The following TBC1D25 variants were observed in gnomAD, a reference collection of about 807,000 sequenced individuals.
The protein encoded by TBC1D25 is TBC1 domain family member 25.
Under a neutral mutation model 38.8 loss-of-function variants are expected in TBC1D25, and 13 were observed. The ratio of observed to expected loss-of-function variants is 0.34; its 90% CI spans 0.22 to 0.53. The LOEUF (loss-of-function observed/expected upper bound fraction) is 0.53, where lower values mean the gene tolerates loss of function less well. TBC1D25 is among the 20% of genes least tolerant of loss of function. The probability of loss-of-function intolerance (pLI) is 0.94; values close to 1 mark genes in which losing one functional copy is unlikely to be tolerated. For synonymous variants in TBC1D25, 225 were observed against 255.6 expected (o/e 0.88, Z 1.14); for missense variants, 372 against 600.0 (o/e 0.62, Z 3.97).
Position 48,561,209 on chromosome X carries a change from C to T in TBC1D25, c.*234C>T, listed in dbSNP as rs782329152. The T allele has an allele frequency of 3.0e-5, 11 of 360,961 alleles. No homozygotes were observed. In the East Asian group the frequency reaches 4.4e-4, roughly 14 times the overall value. 29.7% of individuals were successfully genotyped at this position (360,961 alleles called of 1,213,427 possible). On this transcript the variant is annotated 3_prime_UTR_variant, in exon 6 of 6. Coordinates refer to ENST00000376771, the MANE Select transcript of TBC1D25 (RefSeq NM_002536.4). ...GTTTTTAACAACTATACTTTGCACA[C>T]ATGAAGGTCACTGTGGTTTGTGTGT...
At chrX:48,551,327 TTTTGTTTG>T (rs199561584) in intron 3 of TBC1D25, among the ~76,000 whole-genome samples, 1 of 109,928 alleles carries the variant, frequency 9.1e-6, no homozygotes, top group African/African-American at 3.4e-5. Flanking sequence ...TTTGCCTGTT[TTTTGTTTG>T]TTTGTTTGTT....
intron 3 of TBC1D25, among the ~76,000 whole-genome samples, chrX:48,546,396 C>T (rs1020745438): frequency 1.8e-5 from 2 of 108,462 alleles, no homozygotes; most frequent in Non-Finnish European, 3.8e-5. Flanking sequence ...GCCTGTAGTC[C>T]CAGCTACTCG....
rs782001642 is a variant in TBC1D25 at position 48,546,382 on chromosome X, G to A, written c.388+1359G>A. ...CAAAAAAATAGCCGGGCGTGGTGGC[G>A]GGTGCCTGTAGTCCCAGCTACTCGG... On this transcript the variant is annotated intron_variant, in intron 3 of 5. Coordinates refer to ENST00000376771, the MANE Select transcript of TBC1D25 (RefSeq NM_002536.4). Among the ~76,000 whole-genome samples the A allele has an allele frequency of 2.0e-4, 20 of 98,921 alleles. No individual in the cohort carries two copies. The South Asian group carries it at 6.1e-3, about 30-fold the overall frequency. The allele number at this position is 98,921 out of a possible 115,157, so 85.9% of individuals were successfully genotyped here.
chrX:48,558,505 G>GAGTACTCA (rs2147193392), intron 3 of TBC1D25, among the ~76,000 whole-genome samples: 2 of 111,864 alleles, frequency 1.8e-5, no homozygotes, highest in East Asian at 5.6e-4. Flanking sequence ...CAACCGATAG[G>GAGTACTCA]ACTGAAGTGA....
rs1290998952 is a variant in TBC1D25 at position 48,562,043 on chromosome X, T to C, written c.*1068T>C. 8.9e-6 allele frequency: 1 copy of C among 112,272 alleles called. No homozygotes were observed. The highest frequency in any genetic ancestry group is 1.9e-5 in the Non-Finnish European group (1 of 53,259). The allele number at this position is 112,272 out of a possible 1,213,427, so 9.3% of individuals were successfully genotyped here. On this transcript the variant is annotated 3_prime_UTR_variant, in exon 6 of 6. Transcript: ENST00000376771. Reference sequence around the variant, plus strand: ...AGGATAATGATCAAAAAAAGGTCCTTTTTCCCACTGACATGCTCAGAGGGT... The same window carrying C: ...AGGATAATGATCAAAAAAAGGTCCTCTTTCCCACTGACATGCTCAGAGGGT...
chrX:48,543,923 A>G (rs138220841), intron 2 of TBC1D25, among the ~76,000 whole-genome samples: 3,348 of 109,637 alleles, frequency 0.031, 60 homozygotes, highest in Middle Eastern at 0.14. Flanking sequence ...CATCAGCAGC[A>G]CATAAATGCC....
chrX:48,555,974 C>T (rs2061971611), intron 3 of TBC1D25, among the ~76,000 whole-genome samples: 4 of 106,590 alleles, frequency 3.8e-5, no homozygotes, highest in South Asian at 4.3e-4. Context: ...CAGAATAGAA[C>T]GAATGGTCGG....
chrX:48,561,252 G>A lies in TBC1D25; in HGVS notation c.*277G>A. 3.4e-6 allele frequency: 1 copy of A among 297,977 alleles called. No individual in the cohort carries two copies. The highest frequency in any genetic ancestry group is 5.8e-6 in the Non-Finnish European group (1 of 171,627). The allele number at this position is 297,977 out of a possible 1,213,427, so 24.6% of individuals were successfully genotyped here. A position where few individuals can be genotyped will look rare whatever the true frequency, so the allele number is the denominator to read the frequency against. The stretch of plus-strand genomic sequence containing the variant: ...TTGTGTGTTTCTCTGCCTCCTCCCT[G>A]GGTTTTGCTGTAGATGGAGTCCTCA... On this transcript the variant is annotated 3_prime_UTR_variant, in exon 6 of 6. Coordinates refer to ENST00000376771, the MANE Select transcript of TBC1D25 (RefSeq NM_002536.4).
chrX:48,560,435 C>T lies in TBC1D25; in HGVS notation c.1527C>T (p.Gly509=). 1.7e-6 allele frequency: 2 copies of T among 1,210,306 alleles called. No individual in the cohort carries two copies. Among genetic ancestry groups the T allele is most frequent in the Non-Finnish European group, 2.2e-6 (2 of 894,799 alleles). The change falls in exon 6 of 6, where the codon GGC becomes GGT. Residue 509 remains glycine (G), a synonymous_variant. Transcript: ENST00000376771. Reference sequence around the variant, plus strand: ...TCCTGAGACAGGCCAGCTTGGATGGCCTCCAGCAACTCAGGGATAACATGG... The same window carrying T: ...TCCTGAGACAGGCCAGCTTGGATGGTCTCCAGCAACTCAGGGATAACATGG... ...GRLLRQASLD[G]LQQLRDNMGS... is the part of the protein sequence containing the mutation.
At chrX:48,558,798 C>A in intron 3 of TBC1D25, 99 bp from the exon 4 acceptor site, 1 of 1,094,887 alleles carries the variant, frequency 9.1e-7, no homozygotes, top group Non-Finnish European at 1.2e-6. Context: ...GTTGTTTGTT[C>A]CCCTGCAGGT....
chrX:48,541,043 A>G (rs2061834751), intron 1 of TBC1D25, among the ~76,000 whole-genome samples: 1 of 111,684 alleles, frequency 9.0e-6, no homozygotes, highest in Admixed American at 9.5e-5. Flanking sequence ...GAAGCAGGGG[A>G]GTGTTGTAGG....
chrX:48,561,813 ATTC>A lies in TBC1D25; in HGVS notation c.*841_*843del, dbSNP rs1556986594. 8.9e-6 allele frequency: 1 copy of A among 112,689 alleles called. No homozygotes were observed. Among genetic ancestry groups the A allele is most frequent in the African/African-American group, 3.2e-5 (1 of 31,017 alleles). 9.3% of individuals were successfully genotyped at this position (112,689 alleles called of 1,213,427 possible). A position where few individuals can be genotyped will look rare whatever the true frequency, so the allele number is the denominator to read the frequency against. ...AATTACAAAAGGATCTAGGGCTCCT[ATTC>A]TTGTCACTTGCTTTGGAGCCAGTTT... On this transcript the variant is annotated 3_prime_UTR_variant, in exon 6 of 6. Transcript: ENST00000376771.
At chrX:48,551,529 T>C (rs895224272) in intron 3 of TBC1D25, among the ~76,000 whole-genome samples, 15 of 110,606 alleles carry the variant, frequency 1.4e-4, no homozygotes, top group African/African-American at 4.9e-4. Flanking sequence ...GGTTTCACCA[T>C]GTTGGCCAGG....
chrX:48,544,600 C>T (rs1434722475), intron 2 of TBC1D25, among the ~76,000 whole-genome samples: 14 of 111,382 alleles, frequency 1.3e-4, no homozygotes, highest in Non-Finnish European at 2.1e-4. Context: ...AGATTATAGG[C>T]GTGAGCCACT....
At chrX:48,553,556 C>T (rs1556983813) in intron 3 of TBC1D25, among the ~76,000 whole-genome samples, 3 of 107,245 alleles carry the variant, frequency 2.8e-5, no homozygotes. Context: ...CTTGTCTGAC[C>T]TTCTTTCCAT....
intron 3 of TBC1D25, among the ~76,000 whole-genome samples, chrX:48,546,695 T>C (rs2061889754): frequency 9.0e-6 from 1 of 111,597 alleles, no homozygotes; most frequent in Non-Finnish European, 1.9e-5. Context: ...AGTGGTATCA[T>C]ATCTATTGAA....
rs781841319 is a variant in TBC1D25 at position 48,558,992 on chromosome X, G to A, written c.484G>A (p.Ala162Thr). The change falls in exon 4 of 6, where the codon GCC (alanine) becomes ACC (threonine). Residue 162 changes from alanine to threonine, a missense_variant. By Grantham distance (58) the Ala-to-Thr change is moderately conservative. Transcript: ENST00000376771. ...AEKRSSLTTA[A>T]LPFTQSILTQ... ...GAAACGGTCATCACTGACGACTGCCGCCCTGCCCTTTACACAGTCCATCCT... is the reference window on the plus strand; with the variant it reads ...GAAACGGTCATCACTGACGACTGCCACCCTGCCCTTTACACAGTCCATCCT... 49 of 1,209,616 alleles carry A rather than the reference G, an allele frequency of 4.1e-5. No individual in the cohort carries two copies. The highest frequency in any genetic ancestry group is 2.3e-4 in the Middle Eastern group (1 of 4,351).
chrX:48,542,789 C>T (rs2147169141), intron 2 of TBC1D25, among the ~76,000 whole-genome samples: 1 of 110,994 alleles, frequency 9.0e-6, no homozygotes, highest in Admixed American at 9.6e-5. Context: ...TTAGTAGAGA[C>T]AGGGTTTCGC....
At chrX:48,543,832 C>T (rs1205914468) in intron 2 of TBC1D25, among the ~76,000 whole-genome samples, 1 of 103,052 alleles carries the variant, frequency 9.7e-6, no homozygotes, top group Non-Finnish European at 2.0e-5. Flanking sequence ...TGCAGCGAGC[C>T]GAGATCGCAC....
Sources: allele counts gnomAD v4.1 joint callset (sites outside exome capture counted in the v4.1 genomes callset), GRCh38; gene constraint gnomAD v4.1.1; transcripts MANE v1.5; gene names NCBI Gene and HGNC (gene_info 2026-07-23, HGNC 2026-07-21).